The following COL22A1 variants were observed in gnomAD, a reference collection of about 807,000 sequenced individuals.
COL22A1 encodes the protein collagen alpha-1(XXII) chain.
Under a neutral mutation model 248.9 loss-of-function variants are expected in COL22A1, and 221 were observed. The observed-to-expected ratio is 0.89, with a 90% CI of 0.80 to 0.99. The LOEUF (loss-of-function observed/expected upper bound fraction) is 0.99, where lower values mean the gene tolerates loss of function less well. COL22A1 is among the 50% of genes least tolerant of loss of function. COL22A1 has a pLI of 0.00. For missense variants in COL22A1, 2,240 were observed against 2,179.0 expected, an observed-to-expected ratio of 1.03 and a Z score of -0.56; for synonymous variants, 891 against 793.4, an observed-to-expected ratio of 1.12 and a Z score of -2.07.
At chr8:138,783,245 G>T (rs546958286) in intron 12 of COL22A1, among the ~76,000 whole-genome samples, 20 of 152,076 alleles carry the variant, frequency 1.3e-4, no homozygotes, top group Non-Finnish European at 2.5e-4. Flanking sequence ...CTATAAAATG[G>T]GGACAATCAC....
chr8:138,803,008 C>G (rs555749878), intron 10 of COL22A1, 74 bp from the exon 11 acceptor site: 2 of 1,179,452 alleles, frequency 1.7e-6, no homozygotes, highest in Non-Finnish European at 2.6e-6. Flanking sequence ...AGGACCCTCA[C>G]GGCCAACCTT....
rs554227131 is a variant in COL22A1 at position 138,704,566 on chromosome 8, GAC to G, written c.2518-1221_2518-1220del. 1.1e-4 allele frequency among the ~76,000 whole-genome samples: 16 copies of G among 152,220 alleles called. No individual in the cohort carries two copies. In the East Asian group the frequency reaches 3.1e-3, roughly 29 times the overall value. On this transcript the variant is annotated intron_variant, in intron 30 of 64. Coordinates refer to ENST00000303045, the MANE Select transcript of COL22A1 (RefSeq NM_152888.3). Reference sequence around the variant, plus strand: ...CAACAGACCTGCAGCTGAGGGTCCTGACTGTTAGAAGGAAAACTAACAAACAG... The same window carrying G: ...CAACAGACCTGCAGCTGAGGGTCCTGTGTTAGAAGGAAAACTAACAAACAG...
intron 1 of COL22A1, among the ~76,000 whole-genome samples, chr8:138,892,385 G>A (rs1015976714): frequency 4.6e-5 from 7 of 152,170 alleles, no homozygotes; most frequent in African/African-American, 2.4e-5. Context: ...GTATGGTAAG[G>A]GTTACAGGAA....
chr8:138,889,557 C>G (rs1055885454), intron 1 of COL22A1, among the ~76,000 whole-genome samples: 3 of 151,740 alleles, frequency 2.0e-5, no homozygotes, highest in Non-Finnish European at 4.4e-5. Flanking sequence ...ACTCTGAGGA[C>G]TGTTGTGGGG....
intron 27 of COL22A1, among the ~76,000 whole-genome samples, chr8:138,720,244 C>T (rs75453785): frequency 0.021 from 3,215 of 152,276 alleles, 120 homozygotes; most frequent in African/African-American, 0.072. Context: ...CGGATTGCAT[C>T]TGCCAGCTTT....
chr8:138,698,558 G>A (rs551926999), intron 32 of COL22A1, among the ~76,000 whole-genome samples: 2 of 152,318 alleles, frequency 1.3e-5, no homozygotes, highest in African/African-American at 4.8e-5. Context: ...TGGCAGAAAG[G>A]TAAGGGAGTT....
At chr8:138,595,950 T>C (rs957895667) in intron 62 of COL22A1, among the ~76,000 whole-genome samples, 6 of 152,254 alleles carry the variant, frequency 3.9e-5, no homozygotes, top group African/African-American at 1.4e-4. Context: ...AGCTTGGTGA[T>C]GAAGAACACA....
rs116425421 is a variant in COL22A1, at chr8:138,821,136, G to A, written c.1245C>T (p.Asp415=). Residue 415 remains aspartate, a splice_region_variant and synonymous_variant, in exon 7 of 65, where the codon GAC becomes GAT. Transcript: ENST00000303045. ...GKRLYDSVPI[D]FDLQRIVIYC... Reference sequence around the variant, plus strand: ...CTGCAGAAGGCCCCCTGGTACTCACGTCAATGGGCACACTGTCGTAGAGGC... The same window carrying A: ...CTGCAGAAGGCCCCCTGGTACTCACATCAATGGGCACACTGTCGTAGAGGC... 633 of 1,612,862 alleles carry A rather than the reference G, an allele frequency of 3.9e-4. 4 individuals are homozygous for A. Among genetic ancestry groups the A allele is most frequent in the Middle Eastern group, 2.3e-3 (14 of 6,054 alleles).
At chr8:138,834,347 GAAAAA>G (rs71316365) in intron 4 of COL22A1, among the ~76,000 whole-genome samples, 1 of 128,606 alleles carries the variant, frequency 7.8e-6, no homozygotes, top group Non-Finnish European at 1.7e-5. Context: ...AAGAGAAAAA[GAAAAA>G]AAAAAAAACA....
In COL22A1 at chr8:138,849,327, G is replaced by A. The variant is rs527828685; in HGVS notation, c.659-5169C>T. On this transcript the variant is annotated intron_variant, in intron 3 of 64. Coordinates refer to ENST00000303045, the MANE Select transcript of COL22A1 (RefSeq NM_152888.3). The stretch of plus-strand genomic sequence containing the variant: ...GTAGGTGGCTTGCTGTGCACCAGAC[G>A]CTGTTCCAAGCATGTTGAATACATT... Among the ~76,000 whole-genome samples, 329 of 152,320 alleles carry A rather than the reference G, an allele frequency of 2.2e-3. 2 individuals are homozygous for A. The highest frequency in any genetic ancestry group is 7.6e-3 in the African/African-American group (314 of 41,568).
chr8:138,648,696 G>A (rs1046543692), intron 46 of COL22A1, among the ~76,000 whole-genome samples: 1 of 152,024 alleles, frequency 6.6e-6, no homozygotes, highest in African/African-American at 2.4e-5. Flanking sequence ...AATGTCTAGG[G>A]ATTGGTATCT....
At chr8:138,670,571 G>C (rs1370667444) in intron 41 of COL22A1, among the ~76,000 whole-genome samples, 1 of 152,026 alleles carries the variant, frequency 6.6e-6, no homozygotes, top group African/African-American at 2.4e-5. Context: ...CAAAGGAACT[G>C]GACTAAAGCA....
At chr8:138,821,078 C>T in intron 7 of COL22A1, 58 bp downstream of exon 7, 1 of 1,582,456 alleles carries the variant, frequency 6.3e-7, no homozygotes, top group Non-Finnish European at 8.6e-7. Flanking sequence ...CACTTAGCTC[C>T]CAAGGCTTCT....
chr8:138,674,051 T>C (rs969014456), intron 41 of COL22A1, among the ~76,000 whole-genome samples: 3 of 152,144 alleles, frequency 2.0e-5, no homozygotes, highest in African/African-American at 7.2e-5. Flanking sequence ...TACCCTCCCC[T>C]TGGCTTGCTT....
At chr8:138,685,532 C>T (rs1439739068) in intron 37 of COL22A1, among the ~76,000 whole-genome samples, 1 of 152,182 alleles carries the variant, frequency 6.6e-6, no homozygotes, top group Non-Finnish European at 1.5e-5. Flanking sequence ...ACCCCTACTA[C>T]TTCAATGCAC....
intron 47 of COL22A1, among the ~76,000 whole-genome samples, chr8:138,643,647 T>TAGATAGACAGAC (rs568597361): frequency 1.1e-4 from 3 of 26,592 alleles, no homozygotes; most frequent in Non-Finnish European, 1.7e-4. Context: ...GATAGATAGA[T>TAGATAGACAGAC]AGACAGATAG....
chr8:138,636,404 A>AT lies in COL22A1; in HGVS notation c.3555+337dup, dbSNP rs1821162260. Reference sequence around the variant, plus strand: ...AGATGATGGGAGGGAAGAAGGGGGAATTTTTTAATGAGTGTCCATTTCAGT... The same window carrying AT: ...AGATGATGGGAGGGAAGAAGGGGGAATTTTTTTAATGAGTGTCCATTTCAGT... On this transcript the variant is annotated intron_variant, in intron 48 of 64. Transcript: ENST00000303045. 2.0e-5 allele frequency among the ~76,000 whole-genome samples: 3 copies of AT among 151,392 alleles called. No individual in the cohort carries two copies. In the South Asian group the frequency reaches 6.3e-4, roughly 32 times the overall value.
chr8:138,650,710 A>C (rs1822642120), intron 45 of COL22A1, among the ~76,000 whole-genome samples: 1 of 149,976 alleles, frequency 6.7e-6, no homozygotes, highest in Non-Finnish European at 1.5e-5. Context: ...AGATAGATAG[A>C]TAGATAGACA....
At chr8:138,720,663 G>T in intron 27 of COL22A1, 76 bp downstream of exon 27, 1 of 1,183,888 alleles carries the variant, frequency 8.4e-7, no homozygotes, top group Non-Finnish European at 1.3e-6. Context: ...CTTATGGTAA[G>T]TCGAGATTCA....
Sources: allele counts gnomAD v4.1 joint callset (sites outside exome capture counted in the v4.1 genomes callset), GRCh38; gene constraint gnomAD v4.1.1; transcripts MANE v1.5; gene names NCBI Gene and HGNC (gene_info 2026-07-23, HGNC 2026-07-21).